NAALADL2: variants seen among roughly 807,000 people sequenced by gnomAD.
NAALADL2 encodes N-acetylated alpha-linked acidic dipeptidase like 2, also known as inactive N-acetylated-alpha-linked acidic dipeptidase-like protein 2.
In NAALADL2, 76 loss-of-function variants were observed where a neutral mutation model predicts 87.2. That is an observed-to-expected ratio of 0.87 (90% confidence interval 0.72 to 1.05). The LOEUF is 1.05. Ranked by LOEUF, NAALADL2 falls within the 50% of genes least tolerant of loss-of-function variation. The probability of loss-of-function intolerance (pLI) is 0.00; values close to 1 mark genes in which losing one functional copy is unlikely to be tolerated. For synonymous variants in NAALADL2, 354 were observed against 331.0 expected (o/e 1.07, Z -0.75); for missense variants, 1,089 against 945.8 (o/e 1.15, Z -1.99).
chr3:174,881,498 G>A (rs1030289909), intron 1 of NAALADL2, among the ~76,000 whole-genome samples: 3 of 152,128 alleles, frequency 2.0e-5, no homozygotes, highest in Non-Finnish European at 4.4e-5. Flanking sequence ...AAATATGTAA[G>A]TAGGTTTATA....
chr3:175,236,590 T>C (rs1348140394), intron 3 of NAALADL2, among the ~76,000 whole-genome samples: 1 of 150,256 alleles, frequency 6.7e-6, no homozygotes, highest in Non-Finnish European at 1.5e-5. Context: ...GGGGTGGGTA[T>C]ATTAACAGAT....
chr3:174,904,932 G>GT (rs952096691), intron 1 of NAALADL2, among the ~76,000 whole-genome samples: 8 of 151,660 alleles, frequency 5.3e-5, no homozygotes, highest in African/African-American at 1.9e-4. Flanking sequence ...TAAATTCAGT[G>GT]TAAGTCATAA....
intron 2 of NAALADL2, among the ~76,000 whole-genome samples, chr3:175,184,313 C>T (rs1220913639): frequency 6.6e-6 from 1 of 151,980 alleles, no homozygotes. Flanking sequence ...GCAGATTGAG[C>T]ATTGGGTTAT....
intron 9 of NAALADL2, among the ~76,000 whole-genome samples, chr3:175,542,680 T>G (rs1229498423): frequency 1.3e-5 from 2 of 152,146 alleles, no homozygotes; most frequent in African/African-American, 2.4e-5. Flanking sequence ...AATTTGACTT[T>G]GATTGCAGAG....
chr3:174,481,905 G>A (rs1295193302), intron 1 of NAALADL2, among the ~76,000 whole-genome samples: 1 of 152,010 alleles, frequency 6.6e-6, no homozygotes, highest in African/African-American at 2.4e-5. Flanking sequence ...CCTCTGGCCA[G>A]GTGCATCCCA....
At chr3:175,266,508 TC>T (rs1473596140) in intron 4 of NAALADL2, among the ~76,000 whole-genome samples, 1 of 151,688 alleles carries the variant, frequency 6.6e-6, no homozygotes, top group African/African-American at 2.4e-5. Context: ...AGTTCTAATT[TC>T]CCTTTTGTTT....
chr3:175,696,406 G>C (rs192470225), intron 11 of NAALADL2, among the ~76,000 whole-genome samples: 2 of 152,198 alleles, frequency 1.3e-5, no homozygotes, highest in Non-Finnish European at 2.9e-5. Context: ...CTTCCAGCTT[G>C]GGGGATCATT....
At chr3:175,038,621 A>G (rs1352352135) in intron 1 of NAALADL2, among the ~76,000 whole-genome samples, 1 of 152,176 alleles carries the variant, frequency 6.6e-6, no homozygotes, top group Non-Finnish European at 1.5e-5. Flanking sequence ...AGTTTCAATA[A>G]TTCTTAATGA....
chr3:174,967,089 CCTT>C lies in NAALADL2; in HGVS notation c.43+107643_43+107645del, dbSNP rs374328247. Among the ~76,000 whole-genome samples, 99 of 152,140 alleles carry C rather than the reference CCTT, an allele frequency of 6.5e-4. 2 individuals are homozygous for C. In the East Asian group the frequency reaches 0.018, roughly 28 times the overall value. On this transcript the variant is annotated intron_variant, in intron 1 of 13. Transcript: ENST00000454872. ...CATATCTGTTAGTATCATCTGGAGA[CCTT>C]CTTTAAAAATCAAGTAATAACTGGA...
At chr3:175,246,381 T>A (rs1010402687) in intron 3 of NAALADL2, among the ~76,000 whole-genome samples, 1 of 152,214 alleles carries the variant, frequency 6.6e-6, no homozygotes, top group Non-Finnish European at 1.5e-5. Flanking sequence ...AATTACTGTT[T>A]TAGTCTAAGC....
chr3:175,717,347 G>GA (rs1312266495), intron 11 of NAALADL2, among the ~76,000 whole-genome samples: 1 of 152,024 alleles, frequency 6.6e-6, no homozygotes, highest in Non-Finnish European at 1.5e-5. Flanking sequence ...CTCTAAGAAC[G>GA]ATTCAGCCTT....
intron 5 of NAALADL2, among the ~76,000 whole-genome samples, chr3:175,407,549 C>T (rs368638931): frequency 2.2e-4 from 34 of 152,204 alleles, no homozygotes; most frequent in Middle Eastern, 3.4e-3. Flanking sequence ...TTCTATAATG[C>T]AATGTGATTT....
chr3:175,067,816 A>G (rs902148760), intron 1 of NAALADL2, among the ~76,000 whole-genome samples: 4 of 152,152 alleles, frequency 2.6e-5, no homozygotes, highest in African/African-American at 7.2e-5. Context: ...ACCATTCAAA[A>G]TAGCAAAGAC....
At chr3:174,664,616 C>T (rs1407771410) in intron 2 of NAALADL2, among the ~76,000 whole-genome samples, 1 of 152,100 alleles carries the variant, frequency 6.6e-6, no homozygotes, top group African/African-American at 2.4e-5. Flanking sequence ...GTATACATAC[C>T]TACATATGTT....
At chr3:175,233,467 A>G (rs1023670646) in intron 2 of NAALADL2, among the ~76,000 whole-genome samples, 2 of 151,942 alleles carry the variant, frequency 1.3e-5, no homozygotes, top group Non-Finnish European at 2.9e-5. Context: ...CTTTGGAGAG[A>G]GTCTCACTCT....
At chr3:175,168,032 C>T (rs62283044) in intron 2 of NAALADL2, among the ~76,000 whole-genome samples, 43,071 of 151,682 alleles carry the variant, frequency 0.28, 6,511 homozygotes, top group Non-Finnish European at 0.34. Context: ...AATTCTGAGC[C>T]ACTATTACAA....
chr3:174,826,848 C>T (rs1380742543), intron 3 of NAALADL2, among the ~76,000 whole-genome samples: 1 of 152,066 alleles, frequency 6.6e-6, no homozygotes, highest in Non-Finnish European at 1.5e-5. Flanking sequence ...TGCCTGAGGC[C>T]ACTTCTACCT....
intron 8 of NAALADL2, among the ~76,000 whole-genome samples, chr3:175,469,857 C>G (rs1724614688): frequency 6.6e-6 from 1 of 151,920 alleles, no homozygotes; most frequent in Admixed American, 6.6e-5. Flanking sequence ...TGGTAGTGTG[C>G]TAATAGAAGC....
At chr3:175,114,177 A>G (rs775944767) in intron 2 of NAALADL2, among the ~76,000 whole-genome samples, 2 of 151,664 alleles carry the variant, frequency 1.3e-5, no homozygotes, top group Non-Finnish European at 3.0e-5. Context: ...CCATAGAGGA[A>G]GCTGACAGTC....
Sources: allele counts gnomAD v4.1 joint callset (sites outside exome capture counted in the v4.1 genomes callset), GRCh38; gene constraint gnomAD v4.1.1; transcripts MANE v1.5; gene names NCBI Gene and HGNC (gene_info 2026-07-23, HGNC 2026-07-21).